Variants in IGFN1 observed in about 807,000 individuals in gnomAD.
IGFN1 encodes the protein immunoglobulin-like and fibronectin type III domain-containing protein 1.
In IGFN1, 253 loss-of-function variants were observed where a neutral mutation model predicts 289.5. The ratio of observed to expected loss-of-function variants is 0.87; its 90% CI spans 0.79 to 0.97. The LOEUF is 0.97. Ranked by LOEUF, IGFN1 falls within the 50% of genes least tolerant of loss-of-function variation. The pLI, the probability that IGFN1 is intolerant of heterozygous loss-of-function variation, is 0.00. For missense variants in IGFN1, 4,470 were observed against 4,686.1 expected, an observed-to-expected ratio of 0.95 and a Z score of 1.35; for synonymous variants, 1,706 against 1,788.5, an observed-to-expected ratio of 0.95 and a Z score of 1.16.
In IGFN1 at chr1:201,217,268, G is replaced by T. The variant is rs1476050175; in HGVS notation, c.9596-19G>T. 1.9e-6 allele frequency: 3 copies of T among 1,610,244 alleles called. No homozygotes were observed. The highest frequency in any genetic ancestry group is 2.2e-5 in the South Asian group (2 of 90,856). ...CCTTTCCCAGGCCTCTGGCTGACTG[G>T]AATCTTTCTTACCCCCAGCTCTCCC... On this transcript the variant is annotated intron_variant, in intron 16 of 23. Transcript: ENST00000335211.
Position 201,212,619 on chromosome 1 carries a change from G to T in IGFN1, c.7726G>T (p.Gly2576Ter). The T allele has an allele frequency of 6.5e-7, 1 of 1,543,784 alleles. No homozygotes were observed. Among genetic ancestry groups the T allele is most frequent in the Non-Finnish European group, 8.7e-7 (1 of 1,143,108 alleles). ...VAGQGGLASQ[G>*]GGDSLLGGRR... ...TGGCCAGGGGGGGTTGGCATCTCAG[G>T]GAGGTGGGGACTCACTTTTGGGAGG... is the stretch of plus-strand genomic sequence containing the variant. Residue 2576 changes from glycine (G) to a stop codon, truncating the protein, a stop_gained, in exon 12 of 24, where the codon GGA (glycine) becomes TGA (stop). Transcript: ENST00000335211. LOFTEE classifies it high-confidence loss of function.
chr1:201,206,236 C>T lies in IGFN1; in HGVS notation c.1343C>T (p.Ala448Val). Residue 448 changes from alanine to valine, a missense_variant, in exon 12 of 24, where the codon GCT becomes GTT. By Grantham distance (64) the Ala-to-Val change is moderately conservative. Around this residue, in one of 8 missense-constraint regions of IGFN1, gnomAD observed 2,011 missense variants for 1,953.4 expected, o/e 1.03. Transcript: ENST00000335211. ...QGPRGGSLEGAGPASGLQHIA... is the reference protein window; with the variant it reads ...QGPRGGSLEGVGPASGLQHIA... ...CCCAGGGGGGGCTCCCTTGAAGGGG[C>T]TGGGCCGGCTTCTGGGCTCCAGCAC... 2 of 1,547,460 alleles carry T rather than the reference C, an allele frequency of 1.3e-6. No individual in the cohort carries two copies.
chr1:201,215,403 C>A, intron 14 of IGFN1, 136 bp from the exon 15 acceptor site: 1 of 855,828 alleles, frequency 1.2e-6, no homozygotes, highest in Non-Finnish European at 1.8e-6. Flanking sequence ...GAAGCCCCTT[C>A]CCCTTGTTTG....
Position 201,215,738 on chromosome 1 carries a change from G to A in IGFN1, c.9195G>A (p.Leu3065=). 1 of 1,611,182 alleles carries A rather than the reference G, an allele frequency of 6.2e-7. No homozygotes were observed. Among genetic ancestry groups the A allele is most frequent in the Non-Finnish European group, 8.5e-7 (1 of 1,178,570 alleles). The change falls in exon 15 of 24, where the codon CTG becomes CTA. Residue 3065 remains leucine, a synonymous_variant. Coordinates refer to ENST00000335211, the MANE Select transcript of IGFN1 (RefSeq NM_001164586.2). The part of the protein sequence containing the change: ...QVDLGDGYTR[L]CLPSAGRKDC... ...ACCTGGGGGATGGCTACACGCGGCT[G>A]TGCCTCCCCAGCGCAGGCAGGAAGG...
intron 8 of IGFN1, 81 bp downstream of exon 8, chr1:201,200,492 C>A: frequency 3.4e-6 from 4 of 1,177,588 alleles, no homozygotes; most frequent in Non-Finnish European, 4.9e-6. Flanking sequence ...TGGAGGTGGG[C>A]TTGGAGGCAG....
chr1:201,216,648 GC>G lies in IGFN1; in HGVS notation c.9493del (p.His3165MetfsTer15), dbSNP rs1346764898. 1 of 1,614,062 alleles carries G rather than the reference GC, an allele frequency of 6.2e-7. No individual in the cohort carries two copies. Among genetic ancestry groups the G allele is most frequent in the Non-Finnish European group, 8.5e-7 (1 of 1,179,982 alleles). ...CGCTGACAGCACCACCTTCACGGAT[GC>G]CCATGTGGAGCCAGGCAGGAAGTAT... is the stretch of plus-strand genomic sequence containing the variant. ...APADSTTFTD[A>X]HVEPGRKYTF... On this transcript the variant is annotated frameshift_variant, in exon 16 of 24. Transcript: ENST00000335211. LOFTEE classifies it high-confidence loss of function.
intron 23 of IGFN1, among the ~76,000 whole-genome samples, chr1:201,228,084 T>C (rs1208930302): frequency 2.0e-5 from 3 of 152,166 alleles, no homozygotes; most frequent in Admixed American, 6.5e-5. Context: ...GAGCAGAGCA[T>C]CTCTCCTCTC....
intron 1 of IGFN1, among the ~76,000 whole-genome samples, chr1:201,193,030 G>A (rs112086935): frequency 6.6e-6 from 1 of 152,156 alleles, no homozygotes; most frequent in African/African-American, 2.4e-5. Context: ...CAACTGGGTA[G>A]CATGCTACCC....
rs745834043 is a variant in IGFN1, at chr1:201,213,369, G to A, written c.8476G>A (p.Glu2826Lys). 3.7e-6 allele frequency: 6 copies of A among 1,612,736 alleles called. No individual in the cohort carries two copies. The highest frequency in any genetic ancestry group is 5.1e-6 in the Non-Finnish European group (6 of 1,179,364). ...RSRSQAQSGA[E>K]VGGGKRRGAD... ...CAGGTCTCAGGCACAGTCAGGGGCT[G>A]AGGTTGGAGGAGGAAAGAGAAGGGG... Residue 2826 changes from glutamate to lysine, a missense_variant, in exon 12 of 24, where the codon GAG (glutamate) becomes AAG (lysine). Glu to Lys is a moderately conservative substitution (Grantham distance 56). Coordinates refer to ENST00000335211, the MANE Select transcript of IGFN1 (RefSeq NM_001164586.2).
At chr1:201,196,362 T>A (rs765047140) in intron 4 of IGFN1, among the ~76,000 whole-genome samples, 4 of 152,232 alleles carry the variant, frequency 2.6e-5, no homozygotes, top group Admixed American at 6.5e-5. Flanking sequence ...TGAGTTGTTG[T>A]TGAGATGGAT....
Position 201,227,164 on chromosome 1 carries a change from A to G in IGFN1, c.11069A>G (p.Asn3690Ser). 1 of 1,611,474 alleles carries G rather than the reference A, an allele frequency of 6.2e-7. No homozygotes were observed. The highest frequency in any genetic ancestry group is 8.5e-7 in the Non-Finnish European group (1 of 1,179,204). ...DSGEYKAVAE[N>S]TLGQAVSTAT... ...GGGGAGTACAAGGCTGTGGCTGAGA[A>G]CACGCTGGGCCAGGCAGTCAGCACT... Residue 3690 changes from asparagine (N) to serine (S), a missense_variant, in exon 23 of 24, where the codon AAC (asparagine) becomes AGC (serine). This residue lies in a region of IGFN1 where 2,218 missense variants were observed against 2,114.1 expected (regional missense o/e 1.05). Coordinates refer to ENST00000335211, the MANE Select transcript of IGFN1 (RefSeq NM_001164586.2).
In IGFN1 at chr1:201,194,141, C is replaced by A. The variant is rs1439379042; in HGVS notation, c.8-13C>A. 1 of 1,551,202 alleles carries A rather than the reference C, an allele frequency of 6.4e-7. No individual in the cohort carries two copies. Among genetic ancestry groups the A allele is most frequent in the Non-Finnish European group, 8.7e-7 (1 of 1,146,724 alleles). Reference sequence around the variant, plus strand: ...GTGGAAGGCCCCATCTCCTTCCCTCCTGCATTCTCCAGGAAAGCTCCGGAA... The same window carrying A: ...GTGGAAGGCCCCATCTCCTTCCCTCATGCATTCTCCAGGAAAGCTCCGGAA... On this transcript the variant is annotated splice_polypyrimidine_tract_variant and intron_variant, in intron 2 of 23. Coordinates refer to ENST00000335211, the MANE Select transcript of IGFN1 (RefSeq NM_001164586.2).
At chr1:201,198,230 G>A (rs2102320987) in intron 5 of IGFN1, among the ~76,000 whole-genome samples, 1 of 152,294 alleles carries the variant, frequency 6.6e-6, no homozygotes, top group East Asian at 1.9e-4. Context: ...CTGCCTCCCG[G>A]GTTCAAGCAA....
Position 201,207,220 on chromosome 1 carries a change from G to A in IGFN1, c.2327G>A (p.Gly776Glu). ...GGAAGTGCCTACAAAACTGGCCCTG[G>A]AGGCCCAGGAGACCCCAGAGGCTGC... is the stretch of plus-strand genomic sequence containing the variant. Reference protein sequence around the residue: ...VTGSAYKTGPGGPGDPRGCEG... With the variant: ...VTGSAYKTGPEGPGDPRGCEG... The change falls in exon 12 of 24, where the codon GGA (glycine) becomes GAA (glutamate). Residue 776 changes from glycine (G) to glutamate (E), a missense_variant. Gly to Glu is a moderately conservative substitution (Grantham distance 98). Around this residue, in one of 8 missense-constraint regions of IGFN1, gnomAD observed 2,011 missense variants for 1,953.4 expected, o/e 1.03. Coordinates refer to ENST00000335211, the MANE Select transcript of IGFN1 (RefSeq NM_001164586.2). 6.5e-7 allele frequency: 1 copy of A among 1,536,780 alleles called. No homozygotes were observed. Among genetic ancestry groups the A allele is most frequent in the Non-Finnish European group, 8.7e-7 (1 of 1,146,874 alleles).
intron 1 of IGFN1, among the ~76,000 whole-genome samples, chr1:201,192,907 GT>G (rs1374930888): frequency 6.6e-6 from 1 of 152,182 alleles, no homozygotes; most frequent in Non-Finnish European, 1.5e-5. Context: ...GTTTGGGAGG[GT>G]TGTGTCTCAT....
At position 201,210,841 on chromosome 1, in the gene IGFN1, G is replaced by C. The variant is rs1722736; in HGVS notation, c.5948G>C (p.Gly1983Ala). 1.3e-6 allele frequency: 2 copies of C among 1,533,478 alleles called. No homozygotes were observed. Among genetic ancestry groups the C allele is most frequent in the Non-Finnish European group, 1.7e-6 (2 of 1,145,994 alleles). The allele number at this position is 1,533,478 out of a possible 1,614,324, so 95.0% of individuals were successfully genotyped here. A position where few individuals can be genotyped will look rare whatever the true frequency, so the allele number is the denominator to read the frequency against. ...GGGAGTAAGGAAGGTTTCAGGGATG[G>C]TTTAGGGGGTTCTGAGGAAATGGGG... ...GSGSKEGFRD[G>A]LGGSEEMGSM... The change falls in exon 12 of 24, where the codon GGT (glycine) becomes GCT (alanine). Residue 1983 changes from glycine to alanine, a missense_variant. Around this residue, in one of 8 missense-constraint regions of IGFN1, gnomAD observed 108 missense variants for 128.7 expected, o/e 0.84. Transcript: ENST00000335211.
chr1:201,217,584 G>A (rs1329082082), intron 17 of IGFN1, 124 bp downstream of exon 17: 3 of 971,054 alleles, frequency 3.1e-6, no homozygotes, highest in Non-Finnish European at 4.6e-6. Context: ...GCAACGTCTG[G>A]AGATATTTTT....
rs146035829 is a variant in IGFN1 at position 201,218,753 on chromosome 1, C to T, written c.9898+95C>T. The T allele has an allele frequency of 1.8e-4, 229 of 1,275,408 alleles. 1 individual carries two copies. In the East Asian group the frequency reaches 4.0e-3, roughly 22 times the overall value. The allele number at this position is 1,275,408 out of a possible 1,614,324, so 79.0% of individuals were successfully genotyped here. A position where few individuals can be genotyped will look rare whatever the true frequency, so the allele number is the denominator to read the frequency against. ...TGATGGGAGGTCAAAGGTCACAGGTCGGGGCAGTCCTGAGGGAGATGGTCA... is the reference window on the plus strand; with the variant it reads ...TGATGGGAGGTCAAAGGTCACAGGTTGGGGCAGTCCTGAGGGAGATGGTCA... On this transcript the variant is annotated intron_variant, in intron 18 of 23. Transcript: ENST00000335211.
intron 20 of IGFN1, among the ~76,000 whole-genome samples, chr1:201,224,407 G>T: frequency 6.6e-6 from 1 of 152,116 alleles, no homozygotes; most frequent in East Asian, 1.9e-4. Flanking sequence ...GAGGTGTGAC[G>T]TGGAGGGCAC....
Sources: gnomAD v4.1 joint callset for allele counts (sites outside exome capture counted in the v4.1 genomes callset) on GRCh38, gnomAD v4.1.1 for gene constraint, gnomAD v4.1.1 regional missense constraint, MANE v1.5 for transcripts, NCBI Gene and HGNC (gene_info 2026-07-23, HGNC 2026-07-21) for gene names.